Variants in FAN1 observed in about 807,000 individuals in gnomAD.
The protein encoded by FAN1 is fanconi-associated nuclease 1.
In FAN1, 91 loss-of-function variants were observed where a neutral mutation model predicts 104.9. The observed-to-expected ratio is 0.87, with a 90% CI of 0.73 to 1.03. The LOEUF is 1.03. Ranked by LOEUF, FAN1 falls within the 50% of genes least tolerant of loss-of-function variation. The probability of loss-of-function intolerance (pLI) is 0.00; values close to 1 mark genes in which losing one functional copy is unlikely to be tolerated. For missense variants in FAN1, 1,263 were observed against 1,239.9 expected, an observed-to-expected ratio of 1.02 and a Z score of -0.28; for synonymous variants, 478 against 457.6, an observed-to-expected ratio of 1.04 and a Z score of -0.57.
rs1032565204 is a variant in FAN1, at chr15:30,942,200, C to T, written c.*638C>T. On this transcript the variant is annotated 3_prime_UTR_variant, in exon 15 of 15. Coordinates refer to ENST00000362065, the MANE Select transcript of FAN1 (RefSeq NM_014967.5). ...TTTCAGCCTCAAAGAACATTTTCCT[C>T]CCTTCCTTTGTGTCCTTATTCTAAT... 12 of 1,179,922 alleles carry T rather than the reference C, an allele frequency of 1.0e-5. No homozygotes were observed. The highest frequency in any genetic ancestry group is 2.7e-4 in the Middle Eastern group (1 of 3,680). The allele number at this position is 1,179,922 out of a possible 1,614,324, so 73.1% of individuals were successfully genotyped here. A position where few individuals can be genotyped will look rare whatever the true frequency, so the allele number is the denominator to read the frequency against.
intron 6 of FAN1, among the ~76,000 whole-genome samples, chr15:30,919,322 G>A (rs1421809452): frequency 6.1e-5 from 9 of 148,626 alleles, no homozygotes; most frequent in Non-Finnish European, 1.3e-4. Context: ...GGAGGTTGTG[G>A]TGAGCTGAGA....
At chr15:30,910,353 A>C (rs918421282) in intron 3 of FAN1, among the ~76,000 whole-genome samples, 1 of 152,222 alleles carries the variant, frequency 6.6e-6, no homozygotes, top group African/African-American at 2.4e-5. Flanking sequence ...CATAATGGCT[A>C]TCCATGTGTG....
chr15:30,923,037 C>A (rs1377247243), intron 8 of FAN1, among the ~76,000 whole-genome samples: 1 of 152,188 alleles, frequency 6.6e-6, no homozygotes. Context: ...CTATTCCAGC[C>A]CTGCATTTGA....
At chr15:30,915,764 T>G (rs2062186882) in intron 5 of FAN1, among the ~76,000 whole-genome samples, 1 of 152,146 alleles carries the variant, frequency 6.6e-6, no homozygotes, top group South Asian at 2.1e-4. Context: ...AATAATGGGA[T>G]TACAGTATTA....
intron 14 of FAN1, chr15:30,939,157 CCT>C (rs777353429): frequency 1.6e-5 from 16 of 985,164 alleles, no homozygotes; most frequent in African/African-American, 1.6e-4. Flanking sequence ...CAGCTTTCAC[CCT>C]CTGTTAGTAC....
At chr15:30,934,936 G>T (rs1254355016) in intron 13 of FAN1, among the ~76,000 whole-genome samples, 1 of 152,114 alleles carries the variant, frequency 6.6e-6, no homozygotes, top group Non-Finnish European at 1.5e-5. Flanking sequence ...GTTGATTAAT[G>T]AGTCTGTATT....
chr15:30,913,159 C>T (rs1394676016), intron 4 of FAN1, among the ~76,000 whole-genome samples: 5 of 152,178 alleles, frequency 3.3e-5, no homozygotes, highest in Non-Finnish European at 7.3e-5. Context: ...CTGAGCTTTG[C>T]CTCCTGTCAG....
chr15:30,933,919 C>T (rs1315684071), intron 13 of FAN1, among the ~76,000 whole-genome samples: 2 of 152,090 alleles, frequency 1.3e-5, no homozygotes, highest in African/African-American at 4.8e-5. Flanking sequence ...CACCATCATG[C>T]CCAGCTGATT....
intron 4 of FAN1, among the ~76,000 whole-genome samples, chr15:30,912,250 G>A (rs569251193): frequency 3.3e-5 from 5 of 152,260 alleles, no homozygotes; most frequent in African/African-American, 1.2e-4. Context: ...CATTCTGATG[G>A]TAAAGCCCAG....
At chr15:30,931,387 A>G (rs1041959540) in intron 13 of FAN1, among the ~76,000 whole-genome samples, 5 of 151,982 alleles carry the variant, frequency 3.3e-5, no homozygotes, top group Admixed American at 3.3e-4. Flanking sequence ...TTGTCTTTTC[A>G]TTTTCTTAAT....
At chr15:30,924,877 T>C (rs2062419857) in intron 8 of FAN1, among the ~76,000 whole-genome samples, 1 of 152,170 alleles carries the variant, frequency 6.6e-6, no homozygotes, top group African/African-American at 2.4e-5. Context: ...GCTGCTGGGA[T>C]CCACTGTCCA....
chr15:30,941,576 G>GGAGAAAATGGAAATGAGGAGGA lies in FAN1; in HGVS notation c.*21_*42dup. ...GCTTCGTCTGCACAGATTCCCTACA[G>GGAGAAAATGGAAATGAGGAGGA]GAGAAAATGGAAATGAGGAGGAGAG... On this transcript the variant is annotated 3_prime_UTR_variant, in exon 15 of 15. Transcript: ENST00000362065. 1 of 1,600,274 alleles carries GGAGAAAATGGAAATGAGGAGGA rather than the reference G, an allele frequency of 6.2e-7. No homozygotes were observed.
chr15:30,918,089 A>G, intron 5 of FAN1, 75 bp from the exon 6 acceptor site: 2 of 1,450,040 alleles, frequency 1.4e-6, no homozygotes, highest in Non-Finnish European at 9.6e-7. Context: ...TCAGAGTGAG[A>G]TCTAGTGGCT....
chr15:30,927,240 A>G (rs1322518751), intron 10 of FAN1: 2 of 985,538 alleles, frequency 2.0e-6, no homozygotes, highest in African/African-American at 1.7e-5. Context: ...TTCAGAAATG[A>G]TCTGGCCTTT....
intron 1 of FAN1, 116 bp from the exon 2 acceptor site, chr15:30,904,396 C>A (rs567221487): frequency 1.8e-6 from 1 of 543,078 alleles, no homozygotes; most frequent in South Asian, 2.1e-5. Context: ...TTCTGTCTCA[C>A]GCTCAGGGTT....
chr15:30,920,293 C>A (rs1414086186), intron 6 of FAN1, among the ~76,000 whole-genome samples: 1 of 152,214 alleles, frequency 6.6e-6, no homozygotes, highest in Non-Finnish European at 1.5e-5. Flanking sequence ...CTGGGTTTGG[C>A]TGTGGGCCGG....
intron 13 of FAN1, 28 bp from the exon 14 acceptor site, chr15:30,937,091 T>C (rs1566937141): frequency 6.3e-7 from 1 of 1,599,258 alleles, no homozygotes; most frequent in Admixed American, 1.7e-5. Context: ...AAGATACTAA[T>C]AACAACTTTT....
At chr15:30,920,752 GT>G in intron 7 of FAN1, 99 bp downstream of exon 7, 1 of 703,522 alleles carries the variant, frequency 1.4e-6, no homozygotes. Context: ...TGCTTATTTG[GT>G]TAGCACACAG....
Position 30,914,030 on chromosome 15 carries a change from T to C in FAN1, c.1750T>C (p.Phe584Leu), listed in dbSNP as rs1318391213. 2 of 1,613,972 alleles carry C rather than the reference T, an allele frequency of 1.2e-6. No homozygotes were observed. Among genetic ancestry groups the C allele is most frequent in the African/African-American group, 2.7e-5 (2 of 74,884 alleles). ...GTTGGTCAACCTCGGCCGAATGGAG[T>C]TTCCTAGTTACACCATCAATCGGAA... ...VLLVNLGRMEFPSYTINRKTH... is the reference protein window; with the variant it reads ...VLLVNLGRMELPSYTINRKTH... Residue 584 changes from phenylalanine (F) to leucine (L), a missense_variant, in exon 5 of 15, where the codon TTT becomes CTT. Phe to Leu is a conservative substitution (Grantham distance 22). Coordinates refer to ENST00000362065, the MANE Select transcript of FAN1 (RefSeq NM_014967.5).
Sources: allele counts gnomAD v4.1 joint callset (sites outside exome capture counted in the v4.1 genomes callset), GRCh38; gene constraint gnomAD v4.1.1; transcripts MANE v1.5; gene names NCBI Gene and HGNC (gene_info 2026-07-23, HGNC 2026-07-21).